The following TERB1 variants were observed in gnomAD, a reference collection of about 807,000 sequenced individuals.
The protein encoded by TERB1 is telomere repeat binding bouquet formation protein 1, also known as telomere repeats-binding bouquet formation protein 1.
A neutral mutation model predicts 92.3 loss-of-function variants in TERB1; 63 were observed. The observed-to-expected ratio is 0.68, with a 90% confidence interval of 0.56 to 0.84. The LOEUF (loss-of-function observed/expected upper bound fraction) is 0.84, where lower values mean the gene tolerates loss of function less well. Ranked by LOEUF, TERB1 falls within the 40% of genes least tolerant of loss-of-function variation. TERB1 has a pLI of 0.00. For missense variants in TERB1, 709 were observed against 843.7 expected, an observed-to-expected ratio of 0.84 and a Z score of 1.98; for synonymous variants, 252 against 283.9, an observed-to-expected ratio of 0.89 and a Z score of 1.13.
In TERB1 at chr16:66,786,272, T is replaced by C. The variant is rs191101524; in HGVS notation, c.414A>G (p.Thr138=). 1 of 1,548,582 alleles carries C rather than the reference T, an allele frequency of 6.5e-7. No homozygotes were observed. Among genetic ancestry groups the C allele is most frequent in the East Asian group, 2.5e-5 (1 of 40,810 alleles). The change falls in exon 7 of 19, where the codon ACA becomes ACG. Residue 138 remains threonine (T), a synonymous_variant. Coordinates refer to ENST00000433154, the MANE Select transcript of TERB1 (RefSeq NM_001136505.2). ...TAATACAACCTGTTTCTCTCACAAG[T>C]GTTTGTCCGGTCCCTTAAAAAAATA... ...VLVSNNRTGQ[T]LVRETGCITV...
At chr16:66,758,724 G>A in intron 18 of TERB1, 49 bp downstream of exon 18, 2 of 1,178,720 alleles carry the variant, frequency 1.7e-6, no homozygotes, top group Non-Finnish European at 2.4e-6. Context: ...CTGGGTAACA[G>A]AGCCAGACCC....
chr16:66,797,896 A>C (rs1567481287), intron 2 of TERB1, among the ~76,000 whole-genome samples: 1 of 151,974 alleles, frequency 6.6e-6, no homozygotes, highest in African/African-American at 2.4e-5. Context: ...CCTCTCACAT[A>C]CCCTACTTTA....
intron 9 of TERB1, among the ~76,000 whole-genome samples, chr16:66,782,314 C>G (rs370991828): frequency 1.6e-4 from 24 of 152,112 alleles, no homozygotes; most frequent in African/African-American, 5.8e-4. Flanking sequence ...CTTTGGGAGG[C>G]CAAGGCGGGA....
chr16:66,785,630 T>A (rs1315222386), intron 9 of TERB1, among the ~76,000 whole-genome samples, 156 bp downstream of exon 9: 1 of 152,172 alleles, frequency 6.6e-6, no homozygotes, highest in Non-Finnish European at 1.5e-5. Context: ...TCTAAAAATA[T>A]CTACTTTTAA....
At chr16:66,776,633 G>C (rs2018553267) in intron 11 of TERB1, among the ~76,000 whole-genome samples, 1 of 151,996 alleles carries the variant, frequency 6.6e-6, no homozygotes, top group Non-Finnish European at 1.5e-5. Context: ...GATTAGAAGA[G>C]AGAGGGGTAG....
chr16:66,769,497 G>A (rs758769603), intron 14 of TERB1, among the ~76,000 whole-genome samples: 3 of 152,178 alleles, frequency 2.0e-5, no homozygotes, highest in Non-Finnish European at 2.9e-5. Flanking sequence ...CTATGTTCTA[G>A]AGACAAAGTG....
chr16:66,795,214 T>C (rs1445824615), intron 3 of TERB1, among the ~76,000 whole-genome samples: 1 of 152,178 alleles, frequency 6.6e-6, no homozygotes, highest in Non-Finnish European at 1.5e-5. Flanking sequence ...ATGCTCAACA[T>C]CACTGGTCAT....
intron 4 of TERB1, 34 bp downstream of exon 4, chr16:66,790,875 G>A (rs992833047): frequency 1.4e-6 from 2 of 1,455,914 alleles, no homozygotes; most frequent in Admixed American, 2.1e-5. Flanking sequence ...TAAAGAACTA[G>A]AATCACAGAT....
intron 16 of TERB1, 133 bp downstream of exon 16, chr16:66,767,282 T>C: frequency 1.8e-6 from 1 of 558,440 alleles, no homozygotes; most frequent in South Asian, 2.3e-5. Context: ...GAGAGTGCAG[T>C]GAGCCAAGAT....
intron 16 of TERB1, 50 bp from the exon 17 acceptor site, chr16:66,759,340 T>C: frequency 7.2e-7 from 1 of 1,383,330 alleles, no homozygotes; most frequent in Non-Finnish European, 9.7e-7. Context: ...AAATATCTAG[T>C]AACAAATCTA....
At chr16:66,777,474 A>G in intron 10 of TERB1, 140 bp from the exon 11 acceptor site, 1 of 472,336 alleles carries the variant, frequency 2.1e-6, no homozygotes. Flanking sequence ...CATAACATCT[A>G]ATAAATATGT....
intron 2 of TERB1, among the ~76,000 whole-genome samples, chr16:66,800,776 A>C (rs184865741): frequency 2.6e-5 from 4 of 152,314 alleles, no homozygotes; most frequent in Non-Finnish European, 5.9e-5. Flanking sequence ...AAGAAATAAC[A>C]GTCATTCAGG....
chr16:66,779,577 G>A (rs1006800591), intron 9 of TERB1, among the ~76,000 whole-genome samples: 1 of 151,874 alleles, frequency 6.6e-6, no homozygotes, highest in Non-Finnish European at 1.5e-5. Flanking sequence ...CAGCCTGGGT[G>A]ACAGAGTAAG....
Position 66,770,316 on chromosome 16 carries a change from T to C in TERB1, c.1273-7A>G. The C allele has an allele frequency of 1.4e-6, 2 of 1,472,004 alleles. No homozygotes were observed. Among genetic ancestry groups the C allele is most frequent in the South Asian group, 2.6e-5 (2 of 77,496 alleles). The allele number at this position is 1,472,004 out of a possible 1,614,324, so 91.2% of individuals were successfully genotyped here. A position where few individuals can be genotyped will look rare whatever the true frequency, so the allele number is the denominator to read the frequency against. On this transcript the variant is annotated splice_polypyrimidine_tract_variant and splice_region_variant and intron_variant, in intron 13 of 18. Transcript: ENST00000433154. ...TTTCTCTTTGTATTTCTTCCTATAG[T>C]GTAAAAATGACAAATAATTTCAATA...
chr16:66,781,282 C>T (rs1274174734), intron 9 of TERB1, among the ~76,000 whole-genome samples: 1 of 152,140 alleles, frequency 6.6e-6, no homozygotes, highest in African/African-American at 2.4e-5. Context: ...GTCTCAAACT[C>T]CTGGGCTCAA....
chr16:66,761,137 G>T (rs981142369), intron 16 of TERB1, among the ~76,000 whole-genome samples: 47 of 136,886 alleles, frequency 3.4e-4, no homozygotes, highest in Admixed American at 1.3e-3. Flanking sequence ...GAAAAGAAAA[G>T]AAAAAGAAAA....
intron 9 of TERB1, among the ~76,000 whole-genome samples, chr16:66,782,660 T>C (rs1217456936): frequency 1.3e-5 from 2 of 152,136 alleles, no homozygotes; most frequent in Non-Finnish European, 2.9e-5. Flanking sequence ...GGTTTTATAC[T>C]TTTTTCCCCA....
In TERB1 at chr16:66,796,481, C is replaced by T. The variant is rs142437651; in HGVS notation, c.31+287G>A. The stretch of plus-strand genomic sequence containing the variant: ...ATCTTTCTGGGAACAATTCTGAAAT[C>T]TGTACCTGCAGGCATCCTTTGATGG... On this transcript the variant is annotated intron_variant, in intron 3 of 18. Coordinates refer to ENST00000433154, the MANE Select transcript of TERB1 (RefSeq NM_001136505.2). 6.6e-5 allele frequency among the ~76,000 whole-genome samples: 10 copies of T among 152,346 alleles called. No individual in the cohort carries two copies. The East Asian group carries it at 1.9e-3, about 29-fold the overall frequency.
rs572165213 is a variant in TERB1, at chr16:66,772,560, T to A, written c.1272+29A>T. On this transcript the variant is annotated intron_variant, in intron 13 of 18. Transcript: ENST00000433154. ...GAAATTTTAAAAATTTGAAAAAAGT[T>A]CTATATTCTTTAAAACAAAGAATCC... The A allele has an allele frequency of 6.1e-5, 92 of 1,519,300 alleles. No individual in the cohort carries two copies. The East Asian group carries it at 2.2e-3, about 37-fold the overall frequency. 94.1% of individuals were successfully genotyped at this position (1,519,300 alleles called of 1,614,324 possible).
Sources: allele counts gnomAD v4.1 joint callset (sites outside exome capture counted in the v4.1 genomes callset), GRCh38; gene constraint gnomAD v4.1.1; transcripts MANE v1.5; gene names NCBI Gene and HGNC (gene_info 2026-07-23, HGNC 2026-07-21).